SUGCT: variants seen among roughly 807,000 people sequenced by gnomAD.
SUGCT encodes the protein succinyl-CoA:glutarate CoA-transferase.
In SUGCT, 41 loss-of-function variants were observed where a neutral mutation model predicts 55.0. That is an observed-to-expected ratio of 0.74 (90% CI 0.58 to 0.97). The LOEUF is 0.97. Ranked by LOEUF, SUGCT falls within the 50% of genes least tolerant of loss-of-function variation. The pLI is 0.00. For missense variants in SUGCT, 568 were observed against 547.8 expected (o/e 1.04, Z -0.37); for synonymous variants, 187 against 200.4 (o/e 0.93, Z 0.56).
chr7:40,663,247 A>T lies in SUGCT; in HGVS notation c.1090-86187A>T, dbSNP rs919091489. Among the ~76,000 whole-genome samples, 24 of 152,196 alleles carry T rather than the reference A, an allele frequency of 1.6e-4. No individual in the cohort carries two copies. In the South Asian group the frequency reaches 4.8e-3, roughly 30 times the overall value. On this transcript the variant is annotated intron_variant, in intron 12 of 13. Coordinates refer to ENST00000335693, the MANE Select transcript of SUGCT (RefSeq NM_001193313.2). ...TTTAATTAAGGGTAATTCTTTTTAA[A>T]TAGCTATTTTAACTTTTTCTTGCTT...
intron 10 of SUGCT, among the ~76,000 whole-genome samples, chr7:40,452,678 A>G (rs1789255487): frequency 6.6e-6 from 1 of 152,238 alleles, no homozygotes; most frequent in Non-Finnish European, 1.5e-5. Context: ...ATACGTAATT[A>G]TACTTGTATA....
chr7:40,278,876 G>A (rs1181101596), intron 8 of SUGCT, among the ~76,000 whole-genome samples: 1 of 151,468 alleles, frequency 6.6e-6, no homozygotes, highest in East Asian at 1.9e-4. Context: ...GTCCAGGTTG[G>A]AATGCAGTGG....
chr7:40,559,526 A>C (rs1795731965), intron 12 of SUGCT, among the ~76,000 whole-genome samples: 1 of 152,196 alleles, frequency 6.6e-6, no homozygotes, highest in Non-Finnish European at 1.5e-5. Context: ...TTTATCATAA[A>C]TGGTGAAATG....
Position 40,408,803 on chromosome 7 carries a change from T to C in SUGCT, c.817-40484T>C, listed in dbSNP as rs1786513405. ...ATGAAGTCATTTGCCCAAAGATAAGTAGTGTGGGCCCTTCAAATAGTTATT... is the reference window on the plus strand; with the variant it reads ...ATGAAGTCATTTGCCCAAAGATAAGCAGTGTGGGCCCTTCAAATAGTTATT... On this transcript the variant is annotated intron_variant, in intron 9 of 13. Transcript: ENST00000335693. 3.3e-5 allele frequency among the ~76,000 whole-genome samples: 5 copies of C among 152,142 alleles called. No individual in the cohort carries two copies. In the South Asian group the frequency reaches 1.0e-3, roughly 32 times the overall value.
At chr7:40,664,115 C>T (rs941597683) in intron 12 of SUGCT, among the ~76,000 whole-genome samples, 1 of 152,224 alleles carries the variant, frequency 6.6e-6, no homozygotes, top group South Asian at 2.1e-4. Context: ...CAGAAGGAAC[C>T]GATCCTGCCA....
chr7:40,631,924 G>A (rs1799806525), intron 12 of SUGCT, among the ~76,000 whole-genome samples: 1 of 152,064 alleles, frequency 6.6e-6, no homozygotes, highest in Non-Finnish European at 1.5e-5. Flanking sequence ...GATAATCCAG[G>A]GTCATCCCCA....
chr7:40,864,023 G>T (rs1055010914), downstream of SUGCT, among the ~76,000 whole-genome samples: 1 of 152,174 alleles, frequency 6.6e-6, no homozygotes, highest in Admixed American at 6.5e-5. Flanking sequence ...TCTCAGGCAT[G>T]AAGTACAATT....
At chr7:40,285,316 A>G (rs114234708) in intron 8 of SUGCT, among the ~76,000 whole-genome samples, 2,527 of 152,282 alleles carry the variant, frequency 0.017, 58 homozygotes, top group African/African-American at 0.058. Flanking sequence ...TTAATGGACT[A>G]TTCCTAAAGC....
At chr7:40,760,147 C>T (rs1788460339) in intron 13 of SUGCT, among the ~76,000 whole-genome samples, 1 of 152,122 alleles carries the variant, frequency 6.6e-6, no homozygotes, top group Non-Finnish European at 1.5e-5. Context: ...TTCCAGTGAT[C>T]TCTGTGGCCA....
chr7:40,327,806 T>A, intron 9 of SUGCT, among the ~76,000 whole-genome samples: 1 of 152,266 alleles, frequency 6.6e-6, no homozygotes, highest in East Asian at 1.9e-4. Flanking sequence ...ATTATCTTAA[T>A]CACTATAATA....
At chr7:40,791,622 G>T (rs1245430080) in intron 13 of SUGCT, among the ~76,000 whole-genome samples, 3 of 152,116 alleles carry the variant, frequency 2.0e-5, no homozygotes, top group African/African-American at 7.2e-5. Context: ...GTTTCCATAG[G>T]TCCCATGTAA....
chr7:40,943,614 C>A, the SUGCT span, among the ~76,000 whole-genome samples: 2 of 150,394 alleles, frequency 1.3e-5, no homozygotes, highest in East Asian at 2.0e-4. Flanking sequence ...ATGAACTCAT[C>A]ATTTTTTATG....
At chr7:40,141,323 G>A (rs1226501500) in intron 1 of SUGCT, among the ~76,000 whole-genome samples, 1 of 151,546 alleles carries the variant, frequency 6.6e-6, no homozygotes, top group Non-Finnish European at 1.5e-5. Context: ...ATAAATTTTT[G>A]ACAGATTATG....
intron 11 of SUGCT, among the ~76,000 whole-genome samples, chr7:40,487,581 G>C (rs936271642): frequency 6.6e-6 from 1 of 151,846 alleles, no homozygotes; most frequent in African/African-American, 2.4e-5. Context: ...CTGTCTAGAT[G>C]ATATGTTTAT....
At chr7:40,968,140 C>T in the SUGCT span, 1 of 152,168 alleles carries the variant, frequency 6.6e-6, no homozygotes, top group African/African-American at 2.4e-5. Context: ...ATCAATTCCT[C>T]TTCTTGTCCA....
At chr7:40,482,824 A>G (rs916229799) in intron 11 of SUGCT, among the ~76,000 whole-genome samples, 6 of 152,192 alleles carry the variant, frequency 3.9e-5, no homozygotes, top group African/African-American at 1.2e-4. Flanking sequence ...GTGAATCTTA[A>G]TACATTAACC....
At chr7:40,902,579 CAAAA>C in the SUGCT span, among the ~76,000 whole-genome samples, 2 of 123,792 alleles carry the variant, frequency 1.6e-5, no homozygotes, top group Non-Finnish European at 3.2e-5. Context: ...GACTCCATCT[CAAAA>C]AAAAAAAAAA....
At chr7:40,280,660 T>G (rs568593533) in intron 8 of SUGCT, among the ~76,000 whole-genome samples, 134 of 152,326 alleles carry the variant, frequency 8.8e-4, no homozygotes, top group African/African-American at 3.1e-3. Flanking sequence ...GATAAACTTT[T>G]GAATCTCAAG....
rs143823762 is a variant in SUGCT, at chr7:40,671,452, G to A, written c.1090-77982G>A. ...AATTGGAAAGGTAGAAAATAAAATG[G>A]TCTTTGTTTACAAATGACATAATTT... On this transcript the variant is annotated intron_variant, in intron 12 of 13. Transcript: ENST00000335693. Among the ~76,000 whole-genome samples the A allele has an allele frequency of 2.1e-3, 318 of 152,194 alleles. 1 individual carries two copies. Among genetic ancestry groups the A allele is most frequent in the African/African-American group, 6.6e-3 (274 of 41,542 alleles).
Sources: allele counts gnomAD v4.1 joint callset (sites outside exome capture counted in the v4.1 genomes callset), GRCh38; gene constraint gnomAD v4.1.1; transcripts MANE v1.5; gene names NCBI Gene and HGNC (gene_info 2026-07-23, HGNC 2026-07-21).